The following KAZN variants were observed in gnomAD, a reference collection of about 807,000 sequenced individuals.
KAZN encodes the protein kazrin, periplakin interacting protein, also known as kazrin.
In KAZN, 40 loss-of-function variants were observed where a neutral mutation model predicts 87.4. The ratio of observed to expected loss-of-function variants is 0.46; its 90% CI spans 0.36 to 0.60. The LOEUF is 0.60. KAZN is among the 20% of genes least tolerant of loss of function. The pLI is 0.00. For missense variants in KAZN, 898 were observed against 1,073.9 expected (o/e 0.84, Z 2.29); for synonymous variants, 466 against 458.3 (o/e 1.02, Z -0.22).
chr1:14,108,363 C>T (rs1160625071), intron 1 of KAZN, among the ~76,000 whole-genome samples: 6 of 152,004 alleles, frequency 3.9e-5, no homozygotes, highest in Non-Finnish European at 8.8e-5. Context: ...TCTGCTGAAT[C>T]GTAAGCTCCT....
At chr1:15,063,766 T>C in intron 7 of KAZN, 144 bp downstream of exon 7, 3 of 697,824 alleles carry the variant, frequency 4.3e-6, no homozygotes, top group Non-Finnish European at 7.8e-6. Context: ...CCCACGTCCA[T>C]ACTGCACACC....
At chr1:14,036,436 T>C (rs777386237) in intron 1 of KAZN, among the ~76,000 whole-genome samples, 13 of 152,220 alleles carry the variant, frequency 8.5e-5, no homozygotes, top group Non-Finnish European at 1.6e-4. Context: ...CAGGACCCTT[T>C]CCACAAATTA....
chr1:14,628,029 C>T (rs140877615), intron 1 of KAZN, among the ~76,000 whole-genome samples: 14 of 152,218 alleles, frequency 9.2e-5, no homozygotes, highest in African/African-American at 3.4e-4. Context: ...CCTCTCTTTC[C>T]CAAGAAATAG....
chr1:14,469,887 A>G (rs564475869), intron 2 of KAZN, among the ~76,000 whole-genome samples: 1 of 152,324 alleles, frequency 6.6e-6, no homozygotes, highest in African/African-American at 2.4e-5. Context: ...CTTTATCGGT[A>G]TTCTGTGTTG....
At chr1:14,627,462 C>T (rs1026694000) in intron 1 of KAZN, among the ~76,000 whole-genome samples, 1 of 152,152 alleles carries the variant, frequency 6.6e-6, no homozygotes, top group Non-Finnish European at 1.5e-5. Flanking sequence ...GGAGGCATGT[C>T]TGCACAGGCC....
At chr1:14,156,653 A>C (rs1281313688) in intron 1 of KAZN, among the ~76,000 whole-genome samples, 1 of 151,888 alleles carries the variant, frequency 6.6e-6, no homozygotes, top group Admixed American at 6.6e-5. Context: ...GAGTATAGTA[A>C]CTCCGACTCT....
intron 2 of KAZN, among the ~76,000 whole-genome samples, chr1:14,208,551 A>G (rs1646789846): frequency 6.6e-6 from 1 of 152,200 alleles, no homozygotes; most frequent in Non-Finnish European, 1.5e-5. Context: ...GGTGGGAGAG[A>G]TAGATAATAA....
intron 10 of KAZN, among the ~76,000 whole-genome samples, chr1:15,095,190 A>T (rs1431105225): frequency 6.6e-6 from 1 of 152,150 alleles, no homozygotes; most frequent in East Asian, 1.9e-4. Context: ...TACACCCCCA[A>T]CCAATGCGGG....
chr1:13,929,390 TC>T (rs1436854777), intron 1 of KAZN, among the ~76,000 whole-genome samples: 2 of 152,182 alleles, frequency 1.3e-5, no homozygotes, highest in Non-Finnish European at 2.9e-5. Context: ...CACTGTGCGC[TC>T]TTCATCTTCA....
At chr1:14,875,429 G>A (rs1052905913) in intron 1 of KAZN, among the ~76,000 whole-genome samples, 2 of 147,734 alleles carry the variant, frequency 1.4e-5, no homozygotes, top group African/African-American at 5.0e-5. Context: ...TTTATTGGGT[G>A]AGCATGGAAG....
intron 2 of KAZN, among the ~76,000 whole-genome samples, chr1:14,308,807 G>T (rs2100804687): frequency 8.8e-6 from 1 of 113,722 alleles, no homozygotes; most frequent in Middle Eastern, 5.1e-3. Context: ...GAAGGTCAGT[G>T]GTTACCAATT....
chr1:14,889,039 G>A (rs963723056), intron 1 of KAZN, among the ~76,000 whole-genome samples: 1 of 152,218 alleles, frequency 6.6e-6, no homozygotes, highest in African/African-American at 2.4e-5. Flanking sequence ...ACATCTCATA[G>A]TGTTTTAAGA....
chr1:14,378,913 C>T (rs1661134085), intron 2 of KAZN, among the ~76,000 whole-genome samples: 1 of 151,710 alleles, frequency 6.6e-6, no homozygotes, highest in African/African-American at 2.4e-5. Context: ...ACAGCTGGGA[C>T]AGCTAAGGGA....
chr1:14,549,665 T>C (rs998702678), intron 2 of KAZN, among the ~76,000 whole-genome samples: 16 of 142,080 alleles, frequency 1.1e-4, no homozygotes, highest in Non-Finnish European at 1.1e-4. Context: ...CCTTGGACAA[T>C]AGGTAATCCA....
At chr1:14,464,564 C>T (rs901759749) in intron 2 of KAZN, among the ~76,000 whole-genome samples, 4 of 150,282 alleles carry the variant, frequency 2.7e-5, no homozygotes, top group East Asian at 2.0e-4. Flanking sequence ...TTTGAGATGG[C>T]GTCTCACTCT....
At chr1:14,119,876 G>C (rs963709395) in intron 1 of KAZN, among the ~76,000 whole-genome samples, 1 of 152,132 alleles carries the variant, frequency 6.6e-6, no homozygotes, top group African/African-American at 2.4e-5. Flanking sequence ...CATTTAGCAG[G>C]TCTTTGCCAT....
intron 1 of KAZN, among the ~76,000 whole-genome samples, chr1:14,933,426 G>A (rs1660079116): frequency 6.6e-6 from 1 of 151,872 alleles, no homozygotes; most frequent in Admixed American, 6.6e-5. Flanking sequence ...GTCCATTCCT[G>A]CCCCACCGCT....
chr1:14,443,247 G>A (rs199746586), intron 2 of KAZN, among the ~76,000 whole-genome samples: 1 of 152,222 alleles, frequency 6.6e-6, no homozygotes, highest in Non-Finnish European at 1.5e-5. Context: ...ATGGGCCCCA[G>A]TGCTCTGCAA....
At chr1:14,239,874 C>T (rs1289526247) in intron 2 of KAZN, among the ~76,000 whole-genome samples, 1 of 152,078 alleles carries the variant, frequency 6.6e-6, no homozygotes, top group Non-Finnish European at 1.5e-5. Context: ...GTGCTGCTGG[C>T]ATTTAATGGG....
Sources: allele counts gnomAD v4.1 joint callset (sites outside exome capture counted in the v4.1 genomes callset), GRCh38; gene constraint gnomAD v4.1.1; transcripts MANE v1.5; gene names NCBI Gene and HGNC (gene_info 2026-07-23, HGNC 2026-07-21).